Variants in MORF4L1 observed in about 807,000 individuals in gnomAD.
MORF4L1 encodes mortality factor 4-like protein 1.
Under a neutral mutation model 52.9 loss-of-function variants are expected in MORF4L1, and 4 were observed. The observed-to-expected ratio is 0.08, with a 90% CI of 0.04 to 0.17. The LOEUF (loss-of-function observed/expected upper bound fraction) is 0.17, where lower values mean the gene tolerates loss of function less well. MORF4L1 is among the 10% of genes least tolerant of loss of function. The probability of loss-of-function intolerance (pLI) is 1.00; values close to 1 mark genes in which losing one functional copy is unlikely to be tolerated. For missense variants in MORF4L1, 214 were observed against 390.4 expected (o/e 0.55, Z 3.81); for synonymous variants, 123 against 134.8 (o/e 0.91, Z 0.61).
At chr15:78,879,234 C>A (rs12911969) in intron 2 of MORF4L1, among the ~76,000 whole-genome samples, 45 of 151,708 alleles carry the variant, frequency 3.0e-4, no homozygotes, top group South Asian at 1.7e-3. Flanking sequence ...CGCCCCGCCC[C>A]GCCCCCCAAG....
At chr15:78,887,391 G>C in intron 5 of MORF4L1, 42 bp downstream of exon 5, 4 of 1,501,476 alleles carry the variant, frequency 2.7e-6, no homozygotes, top group Non-Finnish European at 3.7e-6. Context: ...TATATGTGAA[G>C]ATAATATTTT....
rs541264043 is a variant in MORF4L1 at position 78,896,237 on chromosome 15, A to G, written c.888-746A>G. On this transcript the variant is annotated intron_variant, in intron 11 of 11. Coordinates refer to ENST00000426013, the MANE Select transcript of MORF4L1 (RefSeq NM_006791.4). ...CAAATTTTTGTGCCTCGGCCCCCCA[A>G]AGTGCTGTGATTACAGGTGTAAGCA... Among the ~76,000 whole-genome samples, 5 of 151,922 alleles carry G rather than the reference A, an allele frequency of 3.3e-5. No individual in the cohort carries two copies. In the East Asian group the frequency reaches 7.7e-4, roughly 23 times the overall value.
intron 3 of MORF4L1, chr15:78,884,998 T>C: frequency 6.2e-7 from 1 of 1,614,044 alleles, no homozygotes; most frequent in Non-Finnish European, 8.5e-7. Flanking sequence ...CTCTGAAAAA[T>C]CTTTGAAGAC....
chr15:78,878,947 T>G (rs1596240249), intron 2 of MORF4L1, among the ~76,000 whole-genome samples: 1 of 152,310 alleles, frequency 6.6e-6, no homozygotes, highest in East Asian at 1.9e-4. Flanking sequence ...CTGCATAAAT[T>G]CTTGGTGAGT....
At chr15:78,896,905 T>C (rs2056900006) in intron 11 of MORF4L1, 78 bp from the exon 12 acceptor site, 7 of 1,081,400 alleles carry the variant, frequency 6.5e-6, no homozygotes, top group Admixed American at 2.0e-5. Flanking sequence ...CTGTGGCTTA[T>C]GTATATAATA....
chr15:78,896,302 T>C (rs12437644), intron 11 of MORF4L1, among the ~76,000 whole-genome samples: 30,455 of 131,842 alleles, frequency 0.23, 3,595 homozygotes, highest in Non-Finnish European at 0.26. Flanking sequence ...TTTTTTCTTT[T>C]CTTTTCTTTT....
At chr15:78,880,468 T>TA in intron 2 of MORF4L1, 44 bp from the exon 3 acceptor site, 1 of 1,454,924 alleles carries the variant, frequency 6.9e-7, no homozygotes, top group Non-Finnish European at 9.5e-7. Flanking sequence ...GTAGTGTCTT[T>TA]AAAAAATTTC....
At chr15:78,887,470 C>T (rs773522733) in intron 5 of MORF4L1, 121 bp downstream of exon 5, 4 of 794,976 alleles carry the variant, frequency 5.0e-6, no homozygotes, top group Non-Finnish European at 5.9e-6. Flanking sequence ...GTAAGAATCC[C>T]ATTCCTCAGG....
Position 78,872,926 on chromosome 15 carries a change from C to T in MORF4L1, c.-92C>T, listed in dbSNP as rs1317583696. ...AGGATGTAGAGCTGGCAGTGCCTGA[C>T]GGCGCGTCTGACGCGGAGTTGGGTG... On this transcript the variant is annotated 5_prime_UTR_variant, in exon 1 of 12. The change creates a new upstream start codon in the 5' untranslated region. Coordinates refer to ENST00000426013, the MANE Select transcript of MORF4L1 (RefSeq NM_006791.4). 1.6e-5 allele frequency: 24 copies of T among 1,494,892 alleles called. No individual in the cohort carries two copies. Among genetic ancestry groups the T allele is most frequent in the Non-Finnish European group, 2.1e-5 (24 of 1,124,574 alleles). The allele number at this position is 1,494,892 out of a possible 1,614,324, so 92.6% of individuals were successfully genotyped here. A position where few individuals can be genotyped will look rare whatever the true frequency, so the allele number is the denominator to read the frequency against.
intron 3 of MORF4L1, 97 bp from the exon 4 acceptor site, chr15:78,886,044 A>G (rs1003163567): frequency 1.2e-6 from 1 of 846,280 alleles, no homozygotes; most frequent in African/African-American, 1.7e-5. Context: ...AGTTCATCAA[A>G]TTACTTAAGA....
chr15:78,886,593 G>A (rs910995200), intron 4 of MORF4L1, among the ~76,000 whole-genome samples: 2 of 152,104 alleles, frequency 1.3e-5, no homozygotes, highest in Admixed American at 6.6e-5. Flanking sequence ...CTGAAAGCAC[G>A]GGAAAAGGGA....
At chr15:78,880,729 AC>A in intron 3 of MORF4L1, 150 bp downstream of exon 3, 1 of 588,154 alleles carries the variant, frequency 1.7e-6, no homozygotes, top group Middle Eastern at 3.2e-4. Context: ...GTATGACAAA[AC>A]TATTAGAAAT....
chr15:78,879,766 T>A (rs2056566610), intron 2 of MORF4L1, among the ~76,000 whole-genome samples: 1 of 145,394 alleles, frequency 6.9e-6, no homozygotes, highest in African/African-American at 2.6e-5. Context: ...AGCAAGACTG[T>A]CTCTACCAAA....
intron 4 of MORF4L1, among the ~76,000 whole-genome samples, chr15:78,886,559 C>T (rs1793801682): frequency 6.6e-6 from 1 of 152,122 alleles, no homozygotes; most frequent in South Asian, 2.1e-4. Context: ...GCAAACGAGG[C>T]ATTTCCTATT....
intron 2 of MORF4L1, among the ~76,000 whole-genome samples, chr15:78,879,085 A>G (rs76502319): frequency 0.022 from 3,421 of 152,138 alleles, 53 homozygotes; most frequent in East Asian, 0.04. Context: ...TTAAAGTTCT[A>G]AAGAGCCAAA....
At chr15:78,895,622 C>A (rs907227375) in intron 11 of MORF4L1, among the ~76,000 whole-genome samples, 1 of 152,114 alleles carries the variant, frequency 6.6e-6, no homozygotes, top group Non-Finnish European at 1.5e-5. Flanking sequence ...GAAAAACAGC[C>A]AAGCTGTAGT....
intron 9 of MORF4L1, 104 bp downstream of exon 9, chr15:78,893,731 A>G: frequency 2.6e-6 from 2 of 767,660 alleles, no homozygotes. Flanking sequence ...ATACCACCAG[A>G]AACTAGCAAA....
At chr15:78,873,138 C>T (rs555391005) in intron 1 of MORF4L1, 81 bp downstream of exon 1, 5 of 1,543,116 alleles carry the variant, frequency 3.2e-6, no homozygotes, top group African/African-American at 2.8e-5. Flanking sequence ...GCTTGAGGGC[C>T]GGGGGCGGCG....
At chr15:78,893,478 TG>T in intron 8 of MORF4L1, 60 bp from the exon 9 acceptor site, 2 of 1,120,088 alleles carry the variant, frequency 1.8e-6, no homozygotes, top group East Asian at 2.4e-5. Flanking sequence ...AAAACTTGCC[TG>T]GTATGATTTT....
Sources: allele counts gnomAD v4.1 joint callset (sites outside exome capture counted in the v4.1 genomes callset), GRCh38; gene constraint gnomAD v4.1.1; transcripts MANE v1.5; gene names NCBI Gene and HGNC (gene_info 2026-07-23, HGNC 2026-07-21).